GALNT15: variants seen among roughly 807,000 people sequenced by gnomAD.
GALNT15 encodes UDP-GalNAc transferase T15.
A neutral mutation model predicts 66.8 loss-of-function variants in GALNT15; 67 were observed. The ratio of observed to expected loss-of-function variants is 1.00; its 90% confidence interval spans 0.82 to 1.23. The LOEUF is 1.23. Among genes scored for constraint, GALNT15 ranks in the 50% most tolerant of loss-of-function variants. GALNT15 has a pLI of 0.00. For missense variants in GALNT15, 827 were observed against 804.3 expected (o/e 1.03, Z -0.34); for synonymous variants, 313 against 311.5 (o/e 1.00, Z -0.05).
chr3:16,220,129 T>G (rs759976427), intron 8 of GALNT15, 115 bp downstream of exon 8: 196 of 804,814 alleles, frequency 2.4e-4, no homozygotes, highest in Non-Finnish European at 3.8e-4. Flanking sequence ...TGTGGTCCCA[T>G]GTCCCTTGAC....
At chr3:16,230,508 CA>C (rs1477752493), downstream of GALNT15, among the ~76,000 whole-genome samples, 1 of 151,638 alleles carries the variant, frequency 6.6e-6, no homozygotes, top group African/African-American at 2.4e-5. The surrounding 1 kb of genome is among the most constrained non-coding windows in gnomAD (Gnocchi z 4.5). Context: ...AGTTGGACAC[CA>C]AGTGATCTGT....
chr3:16,230,566 T>A (rs2064071922), downstream of GALNT15, among the ~76,000 whole-genome samples: 1 of 148,464 alleles, frequency 6.7e-6, no homozygotes, highest in African/African-American at 2.5e-5. The surrounding 1 kb of genome is among the most constrained non-coding windows in gnomAD (Gnocchi z 4.5). Flanking sequence ...AAGTTGCATT[T>A]TTAAAAAGCA....
Position 16,212,658 on chromosome 3 carries a change from C to T in GALNT15, c.1287C>T (p.Asp429=). ...YQNQDSHSPL[D]QEATLRNRVR... is the part of the protein sequence containing the mutation. ...ATCAGGATTCCCATTCCCCCCTCGA[C>T]CAGGAGGCCACCCTGAGGAACAGGG... Residue 429 remains aspartate (D), a synonymous_variant, in exon 6 of 10, where the codon GAC becomes GAT. Coordinates refer to ENST00000339732, the MANE Select transcript of GALNT15 (RefSeq NM_054110.5). 1 of 1,613,980 alleles carries T rather than the reference C, an allele frequency of 6.2e-7. No individual in the cohort carries two copies. Among genetic ancestry groups the T allele is most frequent in the Non-Finnish European group, 8.5e-7 (1 of 1,179,990 alleles).
In GALNT15 at chr3:16,212,604, C is replaced by A; in HGVS notation, c.1233C>A (p.Pro411=). The A allele has an allele frequency of 6.2e-7, 1 of 1,614,036 alleles. No individual in the cohort carries two copies. The highest frequency in any genetic ancestry group is 8.5e-7 in the Non-Finnish European group (1 of 1,180,000). The change falls in exon 6 of 10, where the codon CCC becomes CCA. Residue 411 remains proline (P), a synonymous_variant. Transcript: ENST00000339732. Reference sequence around the variant, plus strand: ...GTGGTGGCTCTGTTGAAATCCTTCCCTGCTCTCGGGTAGGACACATCTACC... The same window carrying A: ...GTGGTGGCTCTGTTGAAATCCTTCCATGCTCTCGGGTAGGACACATCTACC... ...WLCGGSVEIL[P]CSRVGHIYQN... is the part of the protein sequence containing the mutation.
chr3:16,210,656 G>A (rs767971704), intron 4 of GALNT15, among the ~76,000 whole-genome samples: 3 of 152,174 alleles, frequency 2.0e-5, no homozygotes, highest in South Asian at 2.1e-4. Context: ...GGTCCCTGGT[G>A]GATTCATCAT....
chr3:16,229,497 G>A lies in GALNT15; in HGVS notation c.*1997G>A. The A allele has an allele frequency of 1.0e-6, 1 of 984,692 alleles. No individual in the cohort carries two copies. The highest frequency in any genetic ancestry group is 1.2e-6 in the Non-Finnish European group (1 of 829,300). 61.0% of individuals were successfully genotyped at this position (984,692 alleles called of 1,614,324 possible). On this transcript the variant is annotated 3_prime_UTR_variant, in exon 10 of 10. Transcript: ENST00000339732. Reference sequence around the variant, plus strand: ...CTAGATAGATTCATTATCCCATCTAGAGAAGAGACTTTAGTCACTGTCTTC... The same window carrying A: ...CTAGATAGATTCATTATCCCATCTAAAGAAGAGACTTTAGTCACTGTCTTC...
At chr3:16,215,920 AAAAAAG>A in intron 6 of GALNT15, among the ~76,000 whole-genome samples, 1 of 151,472 alleles carries the variant, frequency 6.6e-6, no homozygotes, top group East Asian at 1.9e-4. Flanking sequence ...AAAAAAAAAA[AAAAAAG>A]AAGAGGAAGA....
At chr3:16,196,220 G>A (rs887833490) in intron 2 of GALNT15, among the ~76,000 whole-genome samples, 15 of 152,086 alleles carry the variant, frequency 9.9e-5, no homozygotes, top group Non-Finnish European at 1.5e-5. Flanking sequence ...TCTCTCCCAG[G>A]TGCCACCCAG....
rs989275830 is a variant in GALNT15 at position 16,211,917 on chromosome 3, G to A, written c.1198-652G>A. Among the ~76,000 whole-genome samples, 4 of 152,174 alleles carry A rather than the reference G, an allele frequency of 2.6e-5. No individual in the cohort carries two copies. Among genetic ancestry groups the A allele is most frequent in the Admixed American group, 6.5e-5 (1 of 15,284 alleles). On this transcript the variant is annotated intron_variant, in intron 5 of 9. Coordinates refer to ENST00000339732, the MANE Select transcript of GALNT15 (RefSeq NM_054110.5). This position sits in a 1 kb window ranked among gnomAD's most constrained non-coding sequence, Gnocchi z 4.3. Reference sequence around the variant, plus strand: ...CCCCAGACCCTATGAGTTTGCTGTGGCACCCTGGGGCACCTTGGCACATAA... The same window carrying A: ...CCCCAGACCCTATGAGTTTGCTGTGACACCCTGGGGCACCTTGGCACATAA...
rs199512796 is a variant in GALNT15, at chr3:16,208,294, A to T, written c.912-209A>T. The stretch of plus-strand genomic sequence containing the variant: ...CATTTCAACATATAATCAATGTAAA[A>T]ATTATTAAGATTTTTGCATCATTTT... On this transcript the variant is annotated intron_variant, in intron 3 of 9. Transcript: ENST00000339732. Among the ~76,000 whole-genome samples, 20 of 152,302 alleles carry T rather than the reference A, an allele frequency of 1.3e-4. 1 individual carries two copies. In the East Asian group the frequency reaches 3.9e-3, roughly 29 times the overall value.
At chr3:16,232,756 C>T (rs1048707408), downstream of GALNT15, among the ~76,000 whole-genome samples, 10 of 151,474 alleles carry the variant, frequency 6.6e-5, no homozygotes, top group East Asian at 2.0e-4. Flanking sequence ...GTGAGACAAC[C>T]GGAAATGATT....
chr3:16,178,679 C>T (rs1377198667), intron 1 of GALNT15, among the ~76,000 whole-genome samples: 2 of 152,198 alleles, frequency 1.3e-5, no homozygotes, highest in Admixed American at 1.3e-4. Context: ...TCTCCACCCT[C>T]CCCCCAGGGT....
At chr3:16,212,843 C>A in intron 6 of GALNT15, 80 bp downstream of exon 6, 1 of 1,285,918 alleles carries the variant, frequency 7.8e-7, no homozygotes. Context: ...GCTCCTTTCT[C>A]TTGCCTGGAG....
At chr3:16,177,979 T>C (rs1196261443) in intron 1 of GALNT15, among the ~76,000 whole-genome samples, 1 of 152,142 alleles carries the variant, frequency 6.6e-6, no homozygotes, top group African/African-American at 2.4e-5. Flanking sequence ...GTAGTGTGCA[T>C]GGGTGTAATA....
intron 1 of GALNT15, among the ~76,000 whole-genome samples, chr3:16,190,615 G>A (rs2063565630): frequency 1.3e-5 from 2 of 149,656 alleles, no homozygotes; most frequent in African/African-American, 4.9e-5. Flanking sequence ...TCCAGCCTGG[G>A]GGACAGAGCG....
chr3:16,177,578 C>T (rs1395045967), intron 1 of GALNT15, among the ~76,000 whole-genome samples: 1 of 152,204 alleles, frequency 6.6e-6, no homozygotes, highest in Non-Finnish European at 1.5e-5. Flanking sequence ...ATGATATGCA[C>T]AGCTATGCAT....
chr3:16,243,242 A>G, the GALNT15 span, among the ~76,000 whole-genome samples: 1 of 152,196 alleles, frequency 6.6e-6, no homozygotes, highest in East Asian at 1.9e-4. Context: ...CTTGACCTGG[A>G]TGTCGTGCAA....
intron 1 of GALNT15, among the ~76,000 whole-genome samples, chr3:16,190,676 G>T (rs2063567472): frequency 6.6e-6 from 1 of 151,284 alleles, no homozygotes; most frequent in Non-Finnish European, 1.5e-5. Context: ...AGAATCCCTG[G>T]CTTTTCTTAA....
downstream of GALNT15, among the ~76,000 whole-genome samples, chr3:16,234,727 A>G (rs765156590): frequency 6.6e-6 from 1 of 152,212 alleles, no homozygotes; most frequent in Non-Finnish European, 1.5e-5. Context: ...AAAAGCTTGC[A>G]TCTCTAAGAG....
Sources: allele counts gnomAD v4.1 joint callset (sites outside exome capture counted in the v4.1 genomes callset), GRCh38; gene constraint gnomAD v4.1.1; non-coding constraint Gnocchi (gnomAD v3.1); transcripts MANE v1.5; gene names NCBI Gene and HGNC (gene_info 2026-07-23, HGNC 2026-07-21).